PACRG: variants seen among roughly 807,000 people sequenced by gnomAD.
PACRG encodes the protein parkin coregulated gene protein.
PACRG carries 29 observed loss-of-function variants against 29.7 expected under a neutral mutation model. That is an observed-to-expected ratio of 0.98 (90% CI 0.73 to 1.33). PACRG has a LOEUF of 1.33. Ranked by LOEUF, PACRG falls within the 40% of genes most tolerant of loss-of-function variation. The pLI is 0.00. For missense variants in PACRG, 279 were observed against 316.2 expected (o/e 0.88, Z 0.89); for synonymous variants, 116 against 118.7 (o/e 0.98, Z 0.15).
intron 2 of PACRG, among the ~76,000 whole-genome samples, chr6:162,878,062 A>G (rs1793520877): frequency 6.6e-6 from 1 of 152,230 alleles, no homozygotes; most frequent in African/African-American, 2.4e-5. Flanking sequence ...TGAATTATAA[A>G]TAGTATGAGC....
At chr6:162,814,433 G>T in intron 2 of PACRG, 152 bp downstream of exon 2, 2 of 905,248 alleles carry the variant, frequency 2.2e-6, no homozygotes, top group Non-Finnish European at 3.2e-6. Flanking sequence ...GCCCCCCTGT[G>T]TCAGCCATCC....
intron 4 of PACRG, among the ~76,000 whole-genome samples, chr6:163,272,327 G>A (rs965583676): frequency 2.0e-5 from 3 of 152,126 alleles, no homozygotes; most frequent in Non-Finnish European, 2.9e-5. Flanking sequence ...GTAAGCCACC[G>A]CGCCCGGCCT....
At chr6:163,081,114 A>G (rs1813034990) in intron 3 of PACRG, among the ~76,000 whole-genome samples, 1 of 152,210 alleles carries the variant, frequency 6.6e-6, no homozygotes, top group Non-Finnish European at 1.5e-5. Flanking sequence ...GTTTGAAAAT[A>G]TATTTTGAAT....
chr6:162,874,211 GT>G, intron 2 of PACRG, among the ~76,000 whole-genome samples: 1 of 150,634 alleles, frequency 6.6e-6, no homozygotes, highest in African/African-American at 2.4e-5. Flanking sequence ...AAATAGTTGA[GT>G]TTTTTTGTAA....
At chr6:162,761,708 G>A (rs1782370244) in intron 1 of PACRG, among the ~76,000 whole-genome samples, 1 of 152,094 alleles carries the variant, frequency 6.6e-6, no homozygotes, top group African/African-American at 2.4e-5. Context: ...GGAGGCTGAG[G>A]CAGGCAGATC....
At chr6:162,795,969 T>C (rs1238586447) in intron 1 of PACRG, among the ~76,000 whole-genome samples, 1 of 152,192 alleles carries the variant, frequency 6.6e-6, no homozygotes, top group Non-Finnish European at 1.5e-5. Context: ...TACTTACCAA[T>C]TTTCAGGTGG....
chr6:163,063,253 G>C (rs1811239560), intron 3 of PACRG, among the ~76,000 whole-genome samples: 1 of 152,146 alleles, frequency 6.6e-6, no homozygotes, highest in Non-Finnish European at 1.5e-5. Flanking sequence ...AGCCAGAGCT[G>C]CTCCAGGCAC....
intron 4 of PACRG, chr6:163,192,041 C>A: frequency 4.1e-6 from 1 of 241,978 alleles, no homozygotes; most frequent in South Asian, 4.9e-5. Flanking sequence ...CAAAGGATGT[C>A]ACAAGCTAGC....
intron 1 of PACRG, among the ~76,000 whole-genome samples, chr6:162,762,223 G>C (rs533001159): frequency 6.6e-6 from 1 of 152,288 alleles, no homozygotes; most frequent in Non-Finnish European, 1.5e-5. Context: ...AGCTTTGGTA[G>C]ATGTGGTATT....
intron 4 of PACRG, among the ~76,000 whole-genome samples, chr6:163,269,762 G>GAGAGAGAGAC (rs796202675): frequency 0.17 from 8,621 of 50,330 alleles, 1,632 homozygotes; most frequent in Middle Eastern, 0.39. Context: ...GAGAGAGAGA[G>GAGAGAGAGAC]AGACAGACAG....
intron 2 of PACRG, among the ~76,000 whole-genome samples, chr6:162,957,706 A>G (rs888830360): frequency 6.6e-6 from 1 of 151,986 alleles, no homozygotes; most frequent in African/African-American, 2.4e-5. Context: ...ATAAAAAAGG[A>G]TCATTTGGAA....
At chr6:163,257,593 T>A (rs1783165752) in intron 4 of PACRG, among the ~76,000 whole-genome samples, 1 of 152,226 alleles carries the variant, frequency 6.6e-6, no homozygotes, top group Non-Finnish European at 1.5e-5. Context: ...GAGTTAATCC[T>A]CTTCTTCCTT....
At chr6:163,132,508 A>G (rs751067874) in intron 4 of PACRG, among the ~76,000 whole-genome samples, 2 of 152,210 alleles carry the variant, frequency 1.3e-5, no homozygotes, top group Non-Finnish European at 2.9e-5. Context: ...TCCTCTAAGA[A>G]TCTTTGAGCA....
intron 4 of PACRG, among the ~76,000 whole-genome samples, chr6:163,154,001 C>A (rs1333359872): frequency 6.6e-6 from 1 of 152,168 alleles, no homozygotes; most frequent in Admixed American, 6.5e-5. Flanking sequence ...GGTGATTTTG[C>A]ACCAGCGATC....
intron 4 of PACRG, among the ~76,000 whole-genome samples, chr6:163,229,940 T>C (rs574256993): frequency 6.6e-6 from 1 of 152,332 alleles, no homozygotes; most frequent in African/African-American, 2.4e-5. Context: ...TGTAACCTGA[T>C]GGTGAAATTA....
chr6:163,066,051 A>C (rs1811515374), intron 3 of PACRG, among the ~76,000 whole-genome samples: 2 of 152,224 alleles, frequency 1.3e-5, no homozygotes, highest in Admixed American at 1.3e-4. Flanking sequence ...CTAGGAGGAA[A>C]AATTATCTCT....
At chr6:162,727,534 G>A (rs887637359), upstream of PACRG, 12 of 1,066,072 alleles carry the variant, frequency 1.1e-5, no homozygotes, top group Admixed American at 8.9e-5. Flanking sequence ...GGCCGGGGAC[G>A]GCACGGGCAC....
chr6:163,241,893 C>T (rs1408798516), intron 4 of PACRG, among the ~76,000 whole-genome samples: 1 of 152,080 alleles, frequency 6.6e-6, no homozygotes, highest in Non-Finnish European at 1.5e-5. Context: ...GTCTGGCATT[C>T]CTGACATTCA....
chr6:163,201,098 T>G (rs966101712), intron 4 of PACRG, among the ~76,000 whole-genome samples: 1 of 152,194 alleles, frequency 6.6e-6, no homozygotes. Context: ...TCTTAACTTG[T>G]AATGTGTCAA....
Sources: gnomAD v4.1 joint callset for allele counts (sites outside exome capture counted in the v4.1 genomes callset) on GRCh38, gnomAD v4.1.1 for gene constraint, MANE v1.5 for transcripts, NCBI Gene and HGNC (gene_info 2026-07-23, HGNC 2026-07-21) for gene names.